The following TESPA1 variants were observed in gnomAD, a reference collection of about 807,000 sequenced individuals.
TESPA1 encodes thymocyte expressed, positive selection associated 1, also known as protein TESPA1.
Under a neutral mutation model 57.9 loss-of-function variants are expected in TESPA1, and 33 were observed. That is an observed-to-expected ratio of 0.57 (90% CI 0.43 to 0.76). The LOEUF is 0.76. TESPA1 is among the 30% of genes least tolerant of loss of function. The pLI is 0.00. For missense variants in TESPA1, 618 were observed against 632.9 expected, an observed-to-expected ratio of 0.98 and a Z score of 0.25; for synonymous variants, 227 against 228.9, an observed-to-expected ratio of 0.99 and a Z score of 0.07.
chr12:54,961,112 C>T, intron 10 of TESPA1, 56 bp downstream of exon 10: 2 of 1,592,372 alleles, frequency 1.3e-6, no homozygotes, highest in Non-Finnish European at 8.6e-7. Context: ...AAACCTTCCT[C>T]ATTTGATTAC....
intron 10 of TESPA1, among the ~76,000 whole-genome samples, chr12:54,956,518 A>G (rs191730801): frequency 5.9e-5 from 9 of 152,310 alleles, no homozygotes; most frequent in Admixed American, 5.9e-4. Context: ...GACATTTTTG[A>G]GCATGGTGGA....
intron 10 of TESPA1, among the ~76,000 whole-genome samples, chr12:54,952,775 G>C (rs1205946094): frequency 6.6e-6 from 1 of 152,082 alleles, no homozygotes; most frequent in African/African-American, 2.4e-5. Flanking sequence ...ATTTGCATGA[G>C]AGTCATTATT....
Position 54,968,110 on chromosome 12 carries a change from G to T in TESPA1, c.207-218C>A, listed in dbSNP as rs1951564518. The T allele has an allele frequency of 3.4e-6, 4 of 1,166,604 alleles. No homozygotes were observed. The East Asian group carries it at 1.1e-4, about 33-fold the overall frequency. 72.3% of individuals were successfully genotyped at this position (1,166,604 alleles called of 1,614,324 possible). A position where few individuals can be genotyped will look rare whatever the true frequency, so the allele number is the denominator to read the frequency against. ...TGGGGCTGGAATGCACTATATTTTAGATTGTGCTTCTGTTGTCCTGGCCAC... is the reference window on the plus strand; with the variant it reads ...TGGGGCTGGAATGCACTATATTTTATATTGTGCTTCTGTTGTCCTGGCCAC... On this transcript the variant is annotated intron_variant, in intron 3 of 10. Coordinates refer to ENST00000449076, the MANE Select transcript of TESPA1 (RefSeq NM_001136030.3).
Position 54,950,955 on chromosome 12 carries a change from TTTC to T in TESPA1, c.*2-568_*2-566del, listed in dbSNP as rs1004299192. Among the ~76,000 whole-genome samples, 18 of 140,078 alleles carry T rather than the reference TTTC, an allele frequency of 1.3e-4. No homozygotes were observed. In the South Asian group the frequency reaches 4.2e-3, roughly 33 times the overall value. 91.9% of individuals were successfully genotyped at this position (140,078 alleles called of 152,430 possible). A position where few individuals can be genotyped will look rare whatever the true frequency, so the allele number is the denominator to read the frequency against. On this transcript the variant is annotated intron_variant, in intron 10 of 10. Transcript: ENST00000449076. ...CACTTAAAATTTTTTTCCATTTTTT[TTTC>T]CCTTTAATCTCAGAGAAATATCTGT...
At chr12:54,976,452 C>T (rs1952139955) in intron 1 of TESPA1, among the ~76,000 whole-genome samples, 1 of 150,768 alleles carries the variant, frequency 6.6e-6, no homozygotes, top group South Asian at 2.1e-4. Context: ...GCTCACAGAA[C>T]ATTTTTGGTC....
At chr12:54,952,112 C>A (rs574735870) in intron 10 of TESPA1, among the ~76,000 whole-genome samples, 1 of 152,124 alleles carries the variant, frequency 6.6e-6, no homozygotes, top group Non-Finnish European at 1.5e-5. Context: ...GGTGAGGCCC[C>A]ATGATGGGAA....
Position 54,962,753 on chromosome 12 carries a change from A to G in TESPA1, c.1145T>C (p.Leu382Pro). ...ACAGGGTACCTTGGGGTTCGAATCCAGAGTTTGGGATGGTGCTAGCACTGT... is the reference window on the plus strand; with the variant it reads ...ACAGGGTACCTTGGGGTTCGAATCCGGAGTTTGGGATGGTGCTAGCACTGT... ...MSTVLAPSQT[L>P]DSNPKVPCCT... The change falls in exon 9 of 11, where the codon CTG (leucine) becomes CCG (proline). Residue 382 changes from leucine (L) to proline (P), a missense_variant. Physicochemically the swap from Leu to Pro is moderately conservative, Grantham distance 98 (BLOSUM62 -3). Coordinates refer to ENST00000449076, the MANE Select transcript of TESPA1 (RefSeq NM_001136030.3). The G allele has an allele frequency of 6.2e-7, 1 of 1,613,878 alleles. No individual in the cohort carries two copies. Among genetic ancestry groups the G allele is most frequent in the Non-Finnish European group, 8.5e-7 (1 of 1,179,878 alleles).
At chr12:54,957,747 C>A (rs927330292) in intron 10 of TESPA1, among the ~76,000 whole-genome samples, 5 of 152,106 alleles carry the variant, frequency 3.3e-5, no homozygotes, top group Admixed American at 1.3e-4. Context: ...TCCTAACTTA[C>A]TTGAGAGAAA....
intron 8 of TESPA1, 112 bp downstream of exon 8, chr12:54,963,630 A>G: frequency 8.5e-7 from 1 of 1,174,890 alleles, no homozygotes; most frequent in Non-Finnish European, 1.2e-6. Flanking sequence ...TAGACACAAT[A>G]GGCAAAGGGT....
Position 54,954,909 on chromosome 12 carries a change from T to A in TESPA1, c.*2-4519A>T, listed in dbSNP as rs931778051. 5.9e-5 allele frequency among the ~76,000 whole-genome samples: 9 copies of A among 152,330 alleles called. No individual in the cohort carries two copies. The South Asian group carries it at 1.9e-3, about 32-fold the overall frequency. On this transcript the variant is annotated intron_variant, in intron 10 of 10. Transcript: ENST00000449076. ...TGCAGTGAAAATAGGAGTGCTAATA[T>A]CTCTTCAAGATCCTGATTTCAATTC...
Position 54,963,311 on chromosome 12 carries a change from G to C in TESPA1, c.656-69C>G, listed in dbSNP as rs184331505. The stretch of plus-strand genomic sequence containing the variant: ...AAATCTTCTTAAATCTCTCCCTTCA[G>C]GAGGCTCCCCAAAGCTCAAAATTCA... On this transcript the variant is annotated intron_variant, in intron 8 of 10. Coordinates refer to ENST00000449076, the MANE Select transcript of TESPA1 (RefSeq NM_001136030.3). 3.4e-6 allele frequency: 5 copies of C among 1,449,350 alleles called. No individual in the cohort carries two copies. The African/African-American group carries it at 5.7e-5, about 16-fold the overall frequency. 89.8% of individuals were successfully genotyped at this position (1,449,350 alleles called of 1,614,324 possible).
In TESPA1 at chr12:54,962,617, C is replaced by T; in HGVS notation, c.1281G>A (p.Lys427=). Residue 427 remains lysine (K), a synonymous_variant, in exon 9 of 11, where the codon AAG becomes AAA. Coordinates refer to ENST00000449076, the MANE Select transcript of TESPA1 (RefSeq NM_001136030.3). ...PATNTETHPA[K]DETFWKRKSR... ...TCTTTCTTTTCCAGAAAGTCTCATC[C>T]TTGGCTGGATGGGTTTCCGTATTGG... 1 of 1,613,950 alleles carries T rather than the reference C, an allele frequency of 6.2e-7. No individual in the cohort carries two copies. The highest frequency in any genetic ancestry group is 8.5e-7 in the Non-Finnish European group (1 of 1,179,898).
chr12:54,975,263 G>A (rs556993486), intron 1 of TESPA1, among the ~76,000 whole-genome samples: 1 of 151,696 alleles, frequency 6.6e-6, no homozygotes, highest in Non-Finnish European at 1.5e-5. Context: ...TAAGCAATTA[G>A]CAGCCAGCAC....
intron 10 of TESPA1, among the ~76,000 whole-genome samples, chr12:54,951,255 C>A (rs1011746004): frequency 5.9e-5 from 9 of 152,286 alleles, no homozygotes; most frequent in Admixed American, 5.2e-4. Context: ...GCTCTTCCCC[C>A]TTCTCTCTCT....
chr12:54,962,236 G>A (rs769253095), intron 9 of TESPA1, among the ~76,000 whole-genome samples, 195 bp downstream of exon 9: 7 of 152,130 alleles, frequency 4.6e-5, no homozygotes, highest in Non-Finnish European at 7.3e-5. Flanking sequence ...CTGAAAACTC[G>A]ACTGCTCTTA....
intron 1 of TESPA1, 26 bp from the exon 2 acceptor site, chr12:54,974,633 C>G: frequency 7.2e-7 from 1 of 1,397,742 alleles, no homozygotes; most frequent in Non-Finnish European, 9.4e-7. Flanking sequence ...CAGTGATACT[C>G]CCTCATCATA....
intron 10 of TESPA1, among the ~76,000 whole-genome samples, chr12:54,955,979 C>T (rs1950710107): frequency 6.6e-6 from 1 of 152,106 alleles, no homozygotes; most frequent in African/African-American, 2.4e-5. Context: ...GTATCATCAT[C>T]TATAAAATGG....
chr12:54,969,055 G>A (rs201953520), intron 3 of TESPA1, among the ~76,000 whole-genome samples: 35 of 129,644 alleles, frequency 2.7e-4, no homozygotes, highest in South Asian at 1.7e-3. Context: ...ATGTGTGTGT[G>A]TAGATAGATA....
intron 3 of TESPA1, among the ~76,000 whole-genome samples, chr12:54,969,817 A>T (rs1951714560): frequency 6.6e-6 from 1 of 152,256 alleles, no homozygotes; most frequent in South Asian, 2.1e-4. Flanking sequence ...GAAGCAGGAT[A>T]GTGAACGAAA....
Sources: allele counts gnomAD v4.1 joint callset (sites outside exome capture counted in the v4.1 genomes callset), GRCh38; gene constraint gnomAD v4.1.1; transcripts MANE v1.5; gene names NCBI Gene and HGNC (gene_info 2026-07-23, HGNC 2026-07-21).